The following DAPK1 variants were observed in gnomAD, a reference collection of about 807,000 sequenced individuals.
DAPK1 encodes death associated protein kinase 1.
DAPK1 carries 56 observed loss-of-function variants against 144.9 expected under a neutral mutation model. The observed-to-expected ratio is 0.39, with a 90% CI of 0.31 to 0.48. The LOEUF is 0.48. DAPK1 is among the 20% of genes least tolerant of loss of function. The probability of loss-of-function intolerance (pLI) is 0.95; values close to 1 mark genes in which losing one functional copy is unlikely to be tolerated. For synonymous variants in DAPK1, 690 were observed against 749.0 expected (o/e 0.92, Z 1.29); for missense variants, 1,454 against 1,875.4 (o/e 0.78, Z 4.15).
At chr9:87,616,604 A>G (rs1829105748) in intron 3 of DAPK1, among the ~76,000 whole-genome samples, 1 of 152,218 alleles carries the variant, frequency 6.6e-6, no homozygotes, top group Non-Finnish European at 1.5e-5. Context: ...CCACACAAAC[A>G]GGGAAATTTG....
chr9:87,587,889 A>T (rs1047891495), intron 2 of DAPK1, among the ~76,000 whole-genome samples: 1 of 152,266 alleles, frequency 6.6e-6, no homozygotes. Context: ...TGCCTAAAAG[A>T]TGCAGGTGGT....
intron 18 of DAPK1, among the ~76,000 whole-genome samples, chr9:87,665,101 T>TCCCCCC (rs1444674889): frequency 2.0e-5 from 3 of 149,948 alleles, no homozygotes; most frequent in Non-Finnish European, 4.4e-5. Context: ...ATCCTATCCC[T>TCCCCCC]CCCCCACCCC....
chr9:87,515,621 CA>C (rs982031617), intron 2 of DAPK1, among the ~76,000 whole-genome samples: 150 of 152,240 alleles, frequency 9.9e-4, no homozygotes, highest in African/African-American at 3.5e-3. Flanking sequence ...AGTGAGGTCA[CA>C]AGTGGTGGAC....
chr9:87,524,700 C>T (rs562420546), intron 2 of DAPK1, among the ~76,000 whole-genome samples: 4 of 152,306 alleles, frequency 2.6e-5, no homozygotes, highest in East Asian at 3.9e-4. Context: ...TGATAGAATA[C>T]TACTCGGCCC....
chr9:87,498,253 A>G (rs909235555), intron 1 of DAPK1, 146 bp downstream of exon 1: 1 of 395,010 alleles, frequency 2.5e-6, no homozygotes, highest in Non-Finnish European at 4.5e-6. Flanking sequence ...TTCGGGGAGA[A>G]GTGCGATCGC....
At chr9:87,703,337 A>T in intron 25 of DAPK1, 120 bp downstream of exon 25, 1 of 615,818 alleles carries the variant, frequency 1.6e-6, no homozygotes, top group Non-Finnish European at 2.9e-6. Flanking sequence ...TGGTCCAGCT[A>T]ACCTACAACA....
intron 19 of DAPK1, among the ~76,000 whole-genome samples, chr9:87,675,893 A>ACACACACACC (rs1157898314): frequency 7.5e-6 from 1 of 133,618 alleles, no homozygotes; most frequent in African/African-American, 2.8e-5. Flanking sequence ...ACACACACAC[A>ACACACACACC]CACCCTTATG....
chr9:87,561,701 GGGTGC>G (rs1347269526), intron 2 of DAPK1, among the ~76,000 whole-genome samples: 1 of 152,130 alleles, frequency 6.6e-6, no homozygotes, highest in African/African-American at 2.4e-5. Flanking sequence ...CATTGCATTT[GGGTGC>G]TAGAAATGGA....
chr9:87,707,327 C>T lies in DAPK1; in HGVS notation c.4256C>T (p.Thr1419Ile). 1 of 1,611,880 alleles carries T rather than the reference C, an allele frequency of 6.2e-7. No individual in the cohort carries two copies. Residue 1419 changes from threonine to isoleucine, a missense_variant, in exon 26 of 26, where the codon ACC becomes ATC. By Grantham distance (89) the Thr-to-Ile change is moderately conservative. Transcript: ENST00000408954. The surrounding 1 kb of genome is among the most constrained non-coding windows in gnomAD (Gnocchi z 4.0). Reference protein sequence around the residue: ...EAYASSCNSGTSYNSISSVVS... With the variant: ...EAYASSCNSGISYNSISSVVS... ...TATGCCTCGAGCTGCAACAGCGGCACCTCTTACAATTCCATTAGCTCTGTT... is the reference window on the plus strand; with the variant it reads ...TATGCCTCGAGCTGCAACAGCGGCATCTCTTACAATTCCATTAGCTCTGTT...
chr9:87,614,311 A>G (rs1829024180), intron 3 of DAPK1, among the ~76,000 whole-genome samples: 1 of 152,226 alleles, frequency 6.6e-6, no homozygotes, highest in South Asian at 2.1e-4. Flanking sequence ...GGATATAGTC[A>G]TAACTTTAGT....
At chr9:87,569,555 G>A (rs36203101) in intron 2 of DAPK1, among the ~76,000 whole-genome samples, 40 of 152,304 alleles carry the variant, frequency 2.6e-4, no homozygotes, top group African/African-American at 8.4e-4. Context: ...TGAAATGGAT[G>A]TCAGTTTAGG....
In DAPK1 at chr9:87,647,412, A is replaced by C. The variant is rs560560654; in HGVS notation, c.1329+9A>C. The C allele has an allele frequency of 1.2e-6, 2 of 1,611,358 alleles. No homozygotes were observed. Among genetic ancestry groups the C allele is most frequent in the Non-Finnish European group, 1.7e-6 (2 of 1,177,516 alleles). ...TGGATGTGAAAGACAAGGTAAGGCC[A>C]CTTCTCTTAGGAGGAACATGAGGTG... On this transcript the variant is annotated intron_variant, in intron 14 of 25. Transcript: ENST00000408954.
intron 2 of DAPK1, among the ~76,000 whole-genome samples, chr9:87,547,849 G>A (rs1826317862): frequency 1.3e-5 from 2 of 152,140 alleles, no homozygotes; most frequent in Admixed American, 1.3e-4. Context: ...TTTACTCAGA[G>A]TCTGCTGATT....
chr9:87,662,572 T>G (rs1284195733), intron 18 of DAPK1, among the ~76,000 whole-genome samples: 1 of 139,966 alleles, frequency 7.1e-6, no homozygotes, highest in Non-Finnish European at 1.5e-5. Flanking sequence ...TTTTTTTTTT[T>G]TTTTTTTTTT....
At chr9:87,677,962 C>A (rs1175433243) in intron 19 of DAPK1, among the ~76,000 whole-genome samples, 1 of 152,160 alleles carries the variant, frequency 6.6e-6, no homozygotes, top group African/African-American at 2.4e-5. Context: ...AGGTGCCACC[C>A]CCAATGAGTA....
chr9:87,696,941 G>T, intron 21 of DAPK1, 66 bp from the exon 22 acceptor site: 1 of 847,028 alleles, frequency 1.2e-6, no homozygotes, highest in South Asian at 1.3e-5. Flanking sequence ...GGAACGCTAA[G>T]AGAATTTATG....
intron 3 of DAPK1, among the ~76,000 whole-genome samples, chr9:87,627,635 A>G (rs1452131136): frequency 6.6e-6 from 1 of 152,118 alleles, no homozygotes; most frequent in Non-Finnish European, 1.5e-5. Context: ...TTTCCTGTCT[A>G]AGAGCCAACC....
In DAPK1 at chr9:87,707,139, C is replaced by T. The variant is rs1259184429; in HGVS notation, c.4068C>T (p.Ser1356=). Residue 1356 remains serine (S), a synonymous_variant, in exon 26 of 26, where the codon AGC becomes AGT. Coordinates refer to ENST00000408954, the MANE Select transcript of DAPK1 (RefSeq NM_004938.4). This position sits in a 1 kb window ranked among gnomAD's most constrained non-coding sequence, Gnocchi z 4.0. Reference sequence around the variant, plus strand: ...GGGCTCCCAAGGATTTCCTCCCCAGCCCCCTCCACGCCCTGCTGCGGGAAT... The same window carrying T: ...GGGCTCCCAAGGATTTCCTCCCCAGTCCCCTCCACGCCCTGCTGCGGGAAT... ...SNGAPKDFLP[S]PLHALLREWT... is the part of the protein sequence containing the mutation. The T allele has an allele frequency of 6.2e-7, 1 of 1,613,472 alleles. No homozygotes were observed. Among genetic ancestry groups the T allele is most frequent in the African/African-American group, 1.3e-5 (1 of 74,922 alleles).
chr9:87,578,397 T>C (rs1413473818), intron 2 of DAPK1, among the ~76,000 whole-genome samples: 1 of 152,242 alleles, frequency 6.6e-6, no homozygotes, highest in African/African-American at 2.4e-5. Flanking sequence ...TCCACTGTTT[T>C]CCTCTGGTGA....
Sources: allele counts gnomAD v4.1 joint callset (sites outside exome capture counted in the v4.1 genomes callset), GRCh38; gene constraint gnomAD v4.1.1; non-coding constraint Gnocchi (gnomAD v3.1); transcripts MANE v1.5; gene names NCBI Gene and HGNC (gene_info 2026-07-23, HGNC 2026-07-21).